SLC27A3: variants seen among roughly 807,000 people sequenced by gnomAD.
The protein encoded by SLC27A3 is long-chain fatty acid transport protein 3.
A neutral mutation model predicts 60.1 loss-of-function variants in SLC27A3; 60 were observed. That is an observed-to-expected ratio of 1.00 (90% CI 0.81 to 1.24). The LOEUF (loss-of-function observed/expected upper bound fraction) is 1.24, where lower values mean the gene tolerates loss of function less well. SLC27A3 is among the 50% of genes most tolerant of loss of function. The pLI, the probability that SLC27A3 is intolerant of heterozygous loss-of-function variation, is 0.00. For missense variants in SLC27A3, 1,079 were observed against 929.9 expected, an observed-to-expected ratio of 1.16 and a Z score of -2.09; for synonymous variants, 455 against 409.0, an observed-to-expected ratio of 1.11 and a Z score of -1.36.
rs760558445 is a variant in SLC27A3 at position 153,776,740 on chromosome 1, C to T, written c.877+13C>T. On this transcript the variant is annotated intron_variant, in intron 2 of 9. Coordinates refer to ENST00000624995, the MANE Select transcript of SLC27A3 (RefSeq NM_024330.4). ...TCTGGCACCACGGGTGAGGGCCGGG[C>T]ACCATACTTAGCTCCCCGAAACCAA... 34 of 1,613,374 alleles carry T rather than the reference C, an allele frequency of 2.1e-5. No individual in the cohort carries two copies. Among genetic ancestry groups the T allele is most frequent in the Middle Eastern group, 1.6e-4 (1 of 6,076 alleles).
intron 9 of SLC27A3, 66 bp from the exon 10 acceptor site, chr1:153,779,760 G>A: frequency 1.4e-6 from 2 of 1,480,768 alleles, no homozygotes; most frequent in Non-Finnish European, 1.8e-6. Context: ...CAAAATTCAG[G>A]CAACTCCCCT....
At position 153,779,214 on chromosome 1, in the gene SLC27A3, G is replaced by C. The variant is rs1467696899; in HGVS notation, c.1744+3G>C. 6.2e-7 allele frequency: 1 copy of C among 1,613,962 alleles called. No individual in the cohort carries two copies. Among genetic ancestry groups the C allele is most frequent in the African/African-American group, 1.3e-5 (1 of 74,930 alleles). The stretch of plus-strand genomic sequence containing the variant: ...CGTCTATGGAGTCACTGTGCCAGGT[G>C]CCTAGGCATGGAAGGTGGGGGAGGC... On this transcript the variant is annotated splice_donor_region_variant and intron_variant, in intron 8 of 9. Coordinates refer to ENST00000624995, the MANE Select transcript of SLC27A3 (RefSeq NM_024330.4).
In SLC27A3 at chr1:153,775,700, C is replaced by T. The variant is rs1327708098; in HGVS notation, c.203C>T (p.Ala68Val). 2.0e-6 allele frequency: 3 copies of T among 1,526,076 alleles called. No individual in the cohort carries two copies. Among genetic ancestry groups the T allele is most frequent in the East Asian group, 2.3e-5 (1 of 43,508 alleles). 94.5% of individuals were successfully genotyped at this position (1,526,076 alleles called of 1,614,324 possible). A position where few individuals can be genotyped will look rare whatever the true frequency, so the allele number is the denominator to read the frequency against. The change falls in exon 1 of 10, where the codon GCC (alanine) becomes GTC (valine). Residue 68 changes from alanine to valine, a missense_variant. Ala to Val is a moderately conservative substitution (Grantham distance 64). Coordinates refer to ENST00000624995, the MANE Select transcript of SLC27A3 (RefSeq NM_024330.4). ...GGTCCCGAGGGGGGCTGCAGCCTGG[C>T]CTGGCGCCTCGCGGAACTGGCCCAG... ...PEGPEGGCSL[A>V]WRLAELAQQR...
Position 153,778,502 on chromosome 1 carries a change from A to G in SLC27A3, c.1396A>G (p.Thr466Ala). ...PFSLIRYDVT[T>A]GEPIRDPQGH... is the part of the protein sequence containing the mutation. ...CTCCTTGATTCGCTATGATGTCACC[A>G]CAGGAGAGCCAATTCGGGACCCCCA... Residue 466 changes from threonine to alanine, a missense_variant, in exon 6 of 10, where the codon ACA (threonine) becomes GCA (alanine). Transcript: ENST00000624995. 1 of 1,614,166 alleles carries G rather than the reference A, an allele frequency of 6.2e-7. No individual in the cohort carries two copies. Among genetic ancestry groups the G allele is most frequent in the Non-Finnish European group, 8.5e-7 (1 of 1,180,026 alleles).
chr1:153,778,866 C>A lies in SLC27A3; in HGVS notation c.1627C>A (p.Arg543Ser). 6.2e-7 allele frequency: 1 copy of A among 1,614,128 alleles called. No individual in the cohort carries two copies. The highest frequency in any genetic ancestry group is 8.5e-7 in the Non-Finnish European group (1 of 1,179,984). Residue 543 changes from arginine to serine, a missense_variant, in exon 7 of 10, where the codon CGT (arginine) becomes AGT (serine). Physicochemically the swap from Arg to Ser is moderately radical, Grantham distance 110. Transcript: ENST00000624995. ...DDQGFLRFHD[R>S]TGDTFRWKGE... ...CCAAGGTTTTCTCCGCTTCCATGAT[C>A]GTACTGGAGACACCTTCAGGTATCT... is the stretch of plus-strand genomic sequence containing the variant.
At position 153,778,522 on chromosome 1, in the gene SLC27A3, C is replaced by A. The variant is rs1463400017; in HGVS notation, c.1416C>A (p.Asp472Glu). 3 of 1,614,036 alleles carry A rather than the reference C, an allele frequency of 1.9e-6. No homozygotes were observed. Among genetic ancestry groups the A allele is most frequent in the East Asian group, 2.2e-5 (1 of 44,894 alleles). The change falls in exon 6 of 10, where the codon GAC (aspartate) becomes GAA (glutamate). Residue 472 changes from aspartate to glutamate, a missense_variant. Coordinates refer to ENST00000624995, the MANE Select transcript of SLC27A3 (RefSeq NM_024330.4). ...TCACCACAGGAGAGCCAATTCGGGACCCCCAGGGGCACTGTATGGCCACAT... is the reference window on the plus strand; with the variant it reads ...TCACCACAGGAGAGCCAATTCGGGAACCCCAGGGGCACTGTATGGCCACAT... ...YDVTTGEPIR[D>E]PQGHCMATSP... is the part of the protein sequence containing the mutation.
chr1:153,778,640 G>A, intron 6 of SLC27A3, 47 bp from the exon 7 acceptor site: 4 of 1,611,418 alleles, frequency 2.5e-6, no homozygotes, highest in Non-Finnish European at 2.5e-6. Flanking sequence ...GGGGGCAGAA[G>A]GCTCTGGGAA....
rs750087291 is a variant in SLC27A3, at chr1:153,779,440, A to AC, written c.1844dup (p.Tyr616LeufsTer29). On this transcript the variant is annotated frameshift_variant, in exon 9 of 10. Coordinates refer to ENST00000624995, the MANE Select transcript of SLC27A3 (RefSeq NM_024330.4). LOFTEE classifies it low-confidence loss of function (END_TRUNC). The stretch of plus-strand genomic sequence containing the variant: ...ACACCCACGTGTCTGAGAACTTGCC[A>AC]CCTTATGCCCGGCCCCGATTCCTCA... 12 of 1,613,462 alleles carry AC rather than the reference A, an allele frequency of 7.4e-6. No homozygotes were observed. The South Asian group carries it at 1.3e-4, about 18-fold the overall frequency.
At position 153,779,141 on chromosome 1, in the gene SLC27A3, C is replaced by G. The variant is rs144302187; in HGVS notation, c.1674C>G (p.Thr558=). Residue 558 remains threonine, a synonymous_variant, in exon 8 of 10, where the codon ACC becomes ACG. Coordinates refer to ENST00000624995, the MANE Select transcript of SLC27A3 (RefSeq NM_024330.4). ...GGAAGGGGGAGAATGTGGCCACAAC[C>G]GAGGTGGCAGAGGTCTTCGAGGCCC... ...FRWKGENVAT[T]EVAEVFEALD... The G allele has an allele frequency of 1.2e-6, 2 of 1,614,140 alleles. No homozygotes were observed. The highest frequency in any genetic ancestry group is 1.7e-6 in the Non-Finnish European group (2 of 1,179,996).
Position 153,777,872 on chromosome 1 carries a change from TCAAC to T in SLC27A3, c.1151_1154del (p.Asn384SerfsTer43). ...ATTGGGGAGCTGTGCCGATACCTTG[TCAAC>T]CAGCCCCCGGTGCGTGGGCACAGAT... On this transcript the variant is annotated frameshift_variant, in exon 4 of 10. Transcript: ENST00000624995. LOFTEE classifies it high-confidence loss of function. 2 of 1,614,196 alleles carry T rather than the reference TCAAC, an allele frequency of 1.2e-6. No homozygotes were observed. The highest frequency in any genetic ancestry group is 1.7e-6 in the Non-Finnish European group (2 of 1,180,028).
chr1:153,776,554 T>C lies in SLC27A3; in HGVS notation c.704T>C (p.Leu235Pro). 1 of 1,614,140 alleles carries C rather than the reference T, an allele frequency of 6.2e-7. No homozygotes were observed. Among genetic ancestry groups the C allele is most frequent in the Non-Finnish European group, 8.5e-7 (1 of 1,180,002 alleles). The change falls in exon 2 of 10, where the codon CTG becomes CCG. Residue 235 changes from leucine to proline, a missense_variant. By Grantham distance (98) the Leu-to-Pro change is moderately conservative. Transcript: ENST00000624995. ...LESLEPDLPA[L>P]RAMGLHLWAA... ...TCCCTGGAGCCGGACCTGCCCGCCC[T>C]GAGAGCCATGGGGCTCCACCTGTGG...
At chr1:153,776,797 C>G (rs1466299690) in intron 2 of SLC27A3, 70 bp downstream of exon 2, 4 of 1,465,034 alleles carry the variant, frequency 2.7e-6, no homozygotes, top group Non-Finnish European at 3.8e-6. Context: ...GCTCCCAGAC[C>G]ACTCCTTCAA....
At position 153,777,715 on chromosome 1, in the gene SLC27A3, G is replaced by A; in HGVS notation, c.1037-46G>A. 5 of 1,606,810 alleles carry A rather than the reference G, an allele frequency of 3.1e-6. No individual in the cohort carries two copies. In the African/African-American group the frequency reaches 5.4e-5, roughly 18 times the overall value. On this transcript the variant is annotated intron_variant, in intron 3 of 9. Coordinates refer to ENST00000624995, the MANE Select transcript of SLC27A3 (RefSeq NM_024330.4). ...AAGAGGGGCTTGGGCTCCCCACTCTGCTCCTAATCTTACCTCCCTTCTTCC... is the reference window on the plus strand; with the variant it reads ...AAGAGGGGCTTGGGCTCCCCACTCTACTCCTAATCTTACCTCCCTTCTTCC...
At chr1:153,776,191 A>C (rs1444267389) in intron 1 of SLC27A3, 27 bp downstream of exon 1, 5 of 1,410,790 alleles carry the variant, frequency 3.5e-6, no homozygotes, top group Non-Finnish European at 4.6e-6. Flanking sequence ...GAACTGACTA[A>C]GGCGGGGCCA....
At position 153,779,329 on chromosome 1, in the gene SLC27A3, C is replaced by G. The variant is rs187653020; in HGVS notation, c.1745-14C>G. ...AGCCATGGAGGGGCTTACTCTGTCT[C>G]CCACACCCACCAGGGCATGAAGGCA... On this transcript the variant is annotated splice_polypyrimidine_tract_variant and intron_variant, in intron 8 of 9. Coordinates refer to ENST00000624995, the MANE Select transcript of SLC27A3 (RefSeq NM_024330.4). The G allele has an allele frequency of 1.8e-3, 2,948 of 1,613,822 alleles. 42 individuals carry two copies. In the African/African-American group the frequency reaches 0.034, roughly 18 times the overall value.
rs1558023736 is a variant in SLC27A3 at position 153,779,383 on chromosome 1, T to C, written c.1785T>C (p.Arg595=). Residue 595 remains arginine, a synonymous_variant, in exon 9 of 10, where the codon CGT becomes CGC. Transcript: ENST00000624995. ...GRAGMAALVL[R]PPHALDLMQL... ...CTGGAATGGCAGCCCTAGTTCTGCGTCCCCCCCACGCTTTGGACCTTATGC... is the reference window on the plus strand; with the variant it reads ...CTGGAATGGCAGCCCTAGTTCTGCGCCCCCCCCACGCTTTGGACCTTATGC... The C allele has an allele frequency of 2.5e-6, 4 of 1,613,384 alleles. No individual in the cohort carries two copies. The highest frequency in any genetic ancestry group is 2.2e-5 in the East Asian group (1 of 44,852).
Position 153,775,835 on chromosome 1 carries a change from G to A in SLC27A3, c.338G>A (p.Trp113Ter). The change falls in exon 1 of 10, where the codon TGG becomes TAG. Residue 113 changes from tryptophan to a stop codon, truncating the protein, a stop_gained. Coordinates refer to ENST00000624995, the MANE Select transcript of SLC27A3 (RefSeq NM_024330.4). LOFTEE classifies it high-confidence loss of function. ...AARAFLRALG[W>*]DWGPDGGDSG... Reference sequence around the variant, plus strand: ...CGCGCCTTCCTACGTGCGCTAGGCTGGGACTGGGGACCCGACGGCGGCGAC... The same window carrying A: ...CGCGCCTTCCTACGTGCGCTAGGCTAGGACTGGGGACCCGACGGCGGCGAC... 6.7e-7 allele frequency: 1 copy of A among 1,494,920 alleles called. No homozygotes were observed. The highest frequency in any genetic ancestry group is 8.9e-7 in the Non-Finnish European group (1 of 1,126,450). The allele number at this position is 1,494,920 out of a possible 1,614,324, so 92.6% of individuals were successfully genotyped here. A position where few individuals can be genotyped will look rare whatever the true frequency, so the allele number is the denominator to read the frequency against.
In SLC27A3 at chr1:153,778,550, C is replaced by A; in HGVS notation, c.1444C>A (p.Pro482Thr). The A allele has an allele frequency of 6.2e-7, 1 of 1,614,032 alleles. No individual in the cohort carries two copies. The change falls in exon 6 of 10, where the codon CCA becomes ACA. Residue 482 changes from proline to threonine, a missense_variant. By Grantham distance (38) the Pro-to-Thr change is conservative. Coordinates refer to ENST00000624995, the MANE Select transcript of SLC27A3 (RefSeq NM_024330.4). The stretch of plus-strand genomic sequence containing the variant: ...CCAGGGGCACTGTATGGCCACATCT[C>A]CAGGTTGGTGGTGTTCTGGTGGGGT... The part of the protein sequence containing the change: ...DPQGHCMATS[P>T]GEPGLLVAPV...
Position 153,778,541 on chromosome 1 carries a change from G to A in SLC27A3, c.1435G>A (p.Ala479Thr). ...TCGGGACCCCCAGGGGCACTGTATGGCCACATCTCCAGGTTGGTGGTGTTC... is the reference window on the plus strand; with the variant it reads ...TCGGGACCCCCAGGGGCACTGTATGACCACATCTCCAGGTTGGTGGTGTTC... ...PIRDPQGHCM[A>T]TSPGEPGLLV... Residue 479 changes from alanine (A) to threonine (T), a missense_variant, in exon 6 of 10, where the codon GCC becomes ACC. Ala to Thr is a moderately conservative substitution (Grantham distance 58). Transcript: ENST00000624995. 4 of 1,614,138 alleles carry A rather than the reference G, an allele frequency of 2.5e-6. No individual in the cohort carries two copies. The highest frequency in any genetic ancestry group is 1.1e-5 in the South Asian group (1 of 91,084).
Sources: allele counts gnomAD v4.1 joint callset, GRCh38; gene constraint gnomAD v4.1.1; transcripts MANE v1.5; gene names NCBI Gene and HGNC (gene_info 2026-07-23, HGNC 2026-07-21).